PHC2: variants seen among roughly 807,000 people sequenced by gnomAD.
The protein encoded by PHC2 is polyhomeotic homolog 2, also known as polyhomeotic-like protein 2.
PHC2 carries 29 observed loss-of-function variants against 87.4 expected under a neutral mutation model. The ratio of observed to expected loss-of-function variants is 0.33; its 90% CI spans 0.25 to 0.45. The LOEUF is 0.45. Ranked by LOEUF, PHC2 falls within the 20% of genes least tolerant of loss-of-function variation. The pLI is 1.00. For synonymous variants in PHC2, 438 were observed against 461.7 expected (o/e 0.95, Z 0.66); for missense variants, 857 against 1,136.7 (o/e 0.75, Z 3.54).
rs534801734 is a variant in PHC2, at chr1:33,335,111, G to C, written c.1559-819C>G. ...CCTAATTCTCCTTCCCCATGGGCCT[G>C]CTAGCCTTCCTCTAAAAGACCTAAC... On this transcript the variant is annotated intron_variant, in intron 9 of 14. Coordinates refer to ENST00000683057, the MANE Select transcript of PHC2 (RefSeq NM_001385109.1). The C allele has an allele frequency of 6.2e-6, 5 of 807,346 alleles. No homozygotes were observed. In the South Asian group the frequency reaches 1.7e-4, roughly 27 times the overall value. 50.0% of individuals were successfully genotyped at this position (807,346 alleles called of 1,614,324 possible). A position where few individuals can be genotyped will look rare whatever the true frequency, so the allele number is the denominator to read the frequency against.
chr1:33,382,209 A>T lies in PHC2; in HGVS notation c.-54-6616T>A, dbSNP rs969529155. On this transcript the variant is annotated intron_variant, in intron 1 of 14. Transcript: ENST00000683057. The surrounding 1 kb of genome is among the most constrained non-coding windows in gnomAD (Gnocchi z 4.3). ...TTCCCCTTTTTGAACCAGAGCTTTC[A>T]TATCTCCCCCTTCACACCTTCCTTC... Among the ~76,000 whole-genome samples the T allele has an allele frequency of 6.6e-6, 1 of 152,068 alleles. No individual in the cohort carries two copies. The highest frequency in any genetic ancestry group is 6.5e-5 in the Admixed American group (1 of 15,272).
intron 1 of PHC2, among the ~76,000 whole-genome samples, chr1:33,379,285 C>T (rs1168587977): frequency 6.6e-5 from 8 of 121,056 alleles, no homozygotes; most frequent in Admixed American, 3.3e-4. Flanking sequence ...TTTGTCTCCC[C>T]GCCCACCGCC....
At chr1:33,385,013 T>C (rs575915728) in intron 1 of PHC2, among the ~76,000 whole-genome samples, 2 of 152,344 alleles carry the variant, frequency 1.3e-5, no homozygotes, top group African/African-American at 4.8e-5. Flanking sequence ...TTAGTAGCCA[T>C]TAGCACCTTT....
At chr1:33,427,873 C>T (rs530388031) in intron 1 of PHC2, among the ~76,000 whole-genome samples, 10 of 152,322 alleles carry the variant, frequency 6.6e-5, no homozygotes, top group African/African-American at 1.9e-4. Context: ...TTCTACCATA[C>T]GGACTCCATG....
chr1:33,339,445 C>T (rs1646701512), intron 9 of PHC2, among the ~76,000 whole-genome samples: 1 of 152,126 alleles, frequency 6.6e-6, no homozygotes, highest in South Asian at 2.1e-4. Context: ...AGAATAAGAG[C>T]TATTTTTTGG....
At chr1:33,355,722 C>A (rs984390764) in intron 7 of PHC2, among the ~76,000 whole-genome samples, 2 of 152,256 alleles carry the variant, frequency 1.3e-5, no homozygotes, top group East Asian at 1.9e-4. Context: ...TCAGGCGAGG[C>A]CTTCTCCAGG....
In PHC2 at chr1:33,372,328, G is replaced by C. The variant is rs948718903; in HGVS notation, c.294C>G (p.Leu98=). Residue 98 remains leucine (L), a synonymous_variant, in exon 3 of 15, where the codon CTC becomes CTG. Transcript: ENST00000683057. The stretch of plus-strand genomic sequence containing the variant: ...CCAGGCTCTGGAGCTGGGCGCTGCT[G>C]AGGTGCTGCTGCTGGAGCGCCGCGG... The part of the protein sequence containing the change: ...LQTAALQQQH[L]SSAQLQSLAA... 8 of 1,601,944 alleles carry C rather than the reference G, an allele frequency of 5.0e-6. No individual in the cohort carries two copies. The highest frequency in any genetic ancestry group is 6.8e-6 in the Non-Finnish European group (8 of 1,172,540).
At chr1:33,412,739 G>C (rs559355906) in intron 1 of PHC2, among the ~76,000 whole-genome samples, 124 of 152,320 alleles carry the variant, frequency 8.1e-4, no homozygotes, top group South Asian at 1.9e-3. Context: ...ACTTGAAAGA[G>C]TATTGATGAT....
chr1:33,350,895 T>C (rs974371526), intron 9 of PHC2, among the ~76,000 whole-genome samples: 1 of 152,238 alleles, frequency 6.6e-6, no homozygotes, highest in South Asian at 2.1e-4. Context: ...TATTTTGTTT[T>C]ATAAACTAGG....
intron 7 of PHC2, among the ~76,000 whole-genome samples, chr1:33,361,499 C>T (rs1010314645): frequency 6.6e-6 from 1 of 152,190 alleles, no homozygotes; most frequent in African/African-American, 2.4e-5. Flanking sequence ...AGCCACCACA[C>T]CTGGCTAATT....
chr1:33,353,731 G>A (rs1260634218), intron 9 of PHC2, among the ~76,000 whole-genome samples: 1 of 152,150 alleles, frequency 6.6e-6, no homozygotes, highest in African/African-American at 2.4e-5. Context: ...CTGAGATCTG[G>A]GCCAACAGTG....
intron 9 of PHC2, among the ~76,000 whole-genome samples, chr1:33,342,407 A>ACCCACAAT (rs1054787398): frequency 1.3e-5 from 2 of 152,180 alleles, no homozygotes; most frequent in African/African-American, 4.8e-5. Context: ...CTTCTGACTC[A>ACCCACAAT]CCCACAATCC....
chr1:33,365,193 A>T (rs1647378829), intron 7 of PHC2, among the ~76,000 whole-genome samples: 2 of 152,178 alleles, frequency 1.3e-5, no homozygotes, highest in African/African-American at 4.8e-5. Context: ...TGTAAAATGG[A>T]TAAAGACAGC....
chr1:33,353,280 AAC>A (rs1367139043), intron 9 of PHC2: 2 of 152,168 alleles, frequency 1.3e-5, no homozygotes, highest in African/African-American at 4.8e-5. Context: ...ACTGTCTACA[AAC>A]ACTGTATAAG....
At chr1:33,375,704 C>T (rs1648139903) in intron 1 of PHC2, 111 bp from the exon 2 acceptor site, 1 of 618,204 alleles carries the variant, frequency 1.6e-6, no homozygotes, top group Non-Finnish European at 2.6e-6. Flanking sequence ...CAACCAACCA[C>T]AGGATCAAAA....
chr1:33,378,837 T>C (rs539407112), intron 1 of PHC2, among the ~76,000 whole-genome samples: 1 of 152,084 alleles, frequency 6.6e-6, no homozygotes, highest in East Asian at 1.9e-4. Flanking sequence ...TGTCATCCCA[T>C]CACAGACATT....
rs148656208 is a variant in PHC2 at position 33,334,782 on chromosome 1, G to C, written c.1559-490C>G. 5.1e-3 allele frequency among the ~76,000 whole-genome samples: 776 copies of C among 152,342 alleles called. 3 individuals carry two copies. Among genetic ancestry groups the C allele is most frequent in the Non-Finnish European group, 8.3e-3 (564 of 68,004 alleles). ...TTAGAGGAGGGATTTTAAGAGCCCT[G>C]TGAAATGTCAAAACACTGAACCCCA... On this transcript the variant is annotated intron_variant, in intron 9 of 14. Coordinates refer to ENST00000683057, the MANE Select transcript of PHC2 (RefSeq NM_001385109.1). The surrounding 1 kb of genome is among the most constrained non-coding windows in gnomAD (Gnocchi z 5.5).
At position 33,330,126 on chromosome 1, in the gene PHC2, C is replaced by T. The variant is rs530539754; in HGVS notation, c.2093G>A (p.Arg698His). ...CAGACTGGCTTTGCTGGCCCGACGGCGGTTGTGGGTCGCAGCTCCTGCCTT... is the reference window on the plus strand; with the variant it reads ...CAGACTGGCTTTGCTGGCCCGACGGTGGTTGTGGGTCGCAGCTCCTGCCTT... ...LQKAGAATHN[R>H]RRASKASLPP... is the part of the protein sequence containing the mutation. Residue 698 changes from arginine (R) to histidine (H), a missense_variant, in exon 13 of 15, where the codon CGC becomes CAC. By Grantham distance (29) the Arg-to-His change is conservative. Around this residue, in one of 3 missense-constraint regions of PHC2, gnomAD observed 832 missense variants for 1,081.8 expected, o/e 0.77. Coordinates refer to ENST00000683057, the MANE Select transcript of PHC2 (RefSeq NM_001385109.1). The T allele has an allele frequency of 9.3e-6, 15 of 1,614,152 alleles. No individual in the cohort carries two copies. The highest frequency in any genetic ancestry group is 2.2e-5 in the East Asian group (1 of 44,890).
In PHC2 at chr1:33,332,229, C is replaced by G. The variant is rs1292668256; in HGVS notation, c.1891+46G>C. 6.2e-7 allele frequency: 1 copy of G among 1,612,518 alleles called. No homozygotes were observed. The highest frequency in any genetic ancestry group is 1.7e-5 in the Admixed American group (1 of 59,968). On this transcript the variant is annotated intron_variant, in intron 11 of 14. Transcript: ENST00000683057. The surrounding 1 kb of genome is among the most constrained non-coding windows in gnomAD (Gnocchi z 4.2). ...GAGGAAGTGTGTGAGGCCTGCCTTTCCAGCCACGCTGGGAGGCCGAGAGAT... is the reference window on the plus strand; with the variant it reads ...GAGGAAGTGTGTGAGGCCTGCCTTTGCAGCCACGCTGGGAGGCCGAGAGAT...
Sources: gnomAD v4.1 joint callset for allele counts (sites outside exome capture counted in the v4.1 genomes callset) on GRCh38, gnomAD v4.1.1 for gene constraint, gnomAD v4.1.1 regional missense constraint, Gnocchi (gnomAD v3.1) non-coding constraint, MANE v1.5 for transcripts, NCBI Gene and HGNC (gene_info 2026-07-23, HGNC 2026-07-21) for gene names.